Variants in PARP10 observed in about 807,000 individuals in gnomAD.
PARP10 encodes poly(ADP-ribose) polymerase family member 10, also known as protein mono-ADP-ribosyltransferase PARP10.
PARP10 carries 56 observed loss-of-function variants against 82.4 expected under a neutral mutation model. The ratio of observed to expected loss-of-function variants is 0.68; its 90% CI spans 0.55 to 0.85. PARP10 has a LOEUF of 0.85. PARP10 is among the 40% of genes least tolerant of loss of function. The probability of loss-of-function intolerance (pLI) is 0.00; values close to 1 mark genes in which losing one functional copy is unlikely to be tolerated. For synonymous variants in PARP10, 576 were observed against 601.1 expected (o/e 0.96, Z 0.61); for missense variants, 1,227 against 1,379.4 (o/e 0.89, Z 1.75).
chr8:144,009,487 A>C (rs1834257936), intron 1 of PARP10, among the ~76,000 whole-genome samples: 1 of 152,086 alleles, frequency 6.6e-6, no homozygotes. Flanking sequence ...CAGTGGGCTG[A>C]AGGCTTATTC....
At chr8:143,987,619 G>A (rs782157937), upstream of PARP10, among the ~76,000 whole-genome samples, 1 of 152,224 alleles carries the variant, frequency 6.6e-6, no homozygotes, top group African/African-American at 2.4e-5. Context: ...GGGGCCGGGC[G>A]CAGTGGCTCA....
chr8:143,991,588 G>T (rs1246770082), upstream of PARP10: 2 of 1,603,868 alleles, frequency 1.2e-6, no homozygotes, highest in Non-Finnish European at 1.7e-6. Context: ...GTCTTCCCAG[G>T]ACAAGACCCT....
At chr8:143,987,925 C>A (rs1372996150), upstream of PARP10, among the ~76,000 whole-genome samples, 2 of 151,438 alleles carry the variant, frequency 1.3e-5, no homozygotes, top group Admixed American at 1.3e-4. Context: ...CTTTTGAGGA[C>A]CTGCCCCCTG....
chr8:143,987,701 G>A (rs1323405748), upstream of PARP10, among the ~76,000 whole-genome samples: 1 of 152,152 alleles, frequency 6.6e-6, no homozygotes, highest in Non-Finnish European at 1.5e-5. Context: ...GATCAGCCTG[G>A]CCAACATGGT....
chr8:143,982,134 C>T (rs1554747908), intron 9 of PARP10, among the ~76,000 whole-genome samples: 1 of 152,076 alleles, frequency 6.6e-6, no homozygotes. Context: ...GAGGGTGATG[C>T]TGCTGGCCCC....
At chr8:143,988,470 T>C (rs1178036893), upstream of PARP10, among the ~76,000 whole-genome samples, 6 of 145,386 alleles carry the variant, frequency 4.1e-5, no homozygotes, top group African/African-American at 1.5e-4. Context: ...TATTTACTTA[T>C]TTATTTATTT....
At chr8:143,982,066 G>C (rs1455094119) in intron 9 of PARP10, among the ~76,000 whole-genome samples, 2 of 141,548 alleles carry the variant, frequency 1.4e-5, no homozygotes, top group Non-Finnish European at 3.1e-5. Context: ...GGTGATGATG[G>C]TGGTGAGGTC....
intron 1 of PARP10, among the ~76,000 whole-genome samples, chr8:144,001,055 A>C (rs1362667085): frequency 2.6e-5 from 4 of 151,654 alleles, no homozygotes; most frequent in African/African-American, 9.7e-5. Flanking sequence ...CTGGGACTAC[A>C]GGCGCCTGCC....
chr8:143,983,531 G>T lies in PARP10; in HGVS notation c.2058C>A (p.Ser686=). The T allele has an allele frequency of 6.2e-7, 1 of 1,606,226 alleles. No individual in the cohort carries two copies. The change falls in exon 8 of 11, where the codon TCC becomes TCA. Residue 686 remains serine (S), a synonymous_variant. Coordinates refer to ENST00000313028, the MANE Select transcript of PARP10 (RefSeq NM_032789.5). ...CCTCCAACGGGGGCTGCTCCAGCAG[G>T]GAGAGGGTTAGGGCTTGCCGCAGGG... ...AAALRQALTL[S]LLEQPPLEAE... is the part of the protein sequence containing the mutation.
chr8:144,006,400 C>A (rs931477422), intron 1 of PARP10, among the ~76,000 whole-genome samples: 1 of 152,230 alleles, frequency 6.6e-6, no homozygotes, highest in Non-Finnish European at 1.5e-5. Flanking sequence ...CTGCCCCAGG[C>A]CCATAGCGAG....
At chr8:143,982,408 A>G (rs1395667154) in intron 9 of PARP10, among the ~76,000 whole-genome samples, 2 of 152,022 alleles carry the variant, frequency 1.3e-5, no homozygotes, top group South Asian at 4.1e-4. Flanking sequence ...CGGGAGGCGG[A>G]GCTTGCCGTG....
At chr8:143,984,177 A>C in intron 6 of PARP10, 33 bp downstream of exon 6, 3 of 1,596,642 alleles carry the variant, frequency 1.9e-6, no homozygotes, top group Non-Finnish European at 2.6e-6. Context: ...AGGCGTGAGA[A>C]AGGGGAGGGC....
At position 144,012,329 on chromosome 8, in the gene PARP10, G is replaced by A. The variant is rs1186686589; in HGVS notation, c.-80+201C>T. On this transcript the variant is annotated intron_variant, in intron 1 of 3. Transcript: ENST00000530478. ...GTGTACAGGCCTGGTGGCATGGAGA[G>A]CTGAGGGTGTTAGAGCAGAGAGGGC... The A allele has an allele frequency of 5.0e-6, 3 of 605,092 alleles. No individual in the cohort carries two copies. The African/African-American group carries it at 5.6e-5, about 11-fold the overall frequency. The allele number at this position is 605,092 out of a possible 1,614,324, so 37.5% of individuals were successfully genotyped here.
At chr8:143,989,967 G>A (rs990565399), upstream of PARP10, 8 of 152,074 alleles carry the variant, frequency 5.3e-5, no homozygotes, top group Non-Finnish European at 8.8e-5. This position sits in a 1 kb window ranked among gnomAD's most constrained non-coding sequence, Gnocchi z 4.3. Flanking sequence ...CACGCAAGGC[G>A]GCGCAGCGGG....
upstream of PARP10, chr8:143,986,719 C>T (rs1833998455): frequency 4.7e-6 from 2 of 425,692 alleles, no homozygotes; most frequent in South Asian, 3.0e-5. Flanking sequence ...CCTCCATGGC[C>T]TGAAAATGGC....
At chr8:143,991,750 C>T (rs1554750544), upstream of PARP10, 1 of 1,613,946 alleles carries the variant, frequency 6.2e-7, no homozygotes, top group Non-Finnish European at 8.5e-7. Context: ...ACAACCAGGA[C>T]TTCCCTGCCA....
chr8:143,983,296 G>T lies in PARP10; in HGVS notation c.2293C>A (p.Arg765Ser), dbSNP rs529405414. The change falls in exon 8 of 11, where the codon CGT becomes AGT. Residue 765 changes from arginine to serine, a missense_variant. By Grantham distance (110) the Arg-to-Ser change is moderately radical. Coordinates refer to ENST00000313028, the MANE Select transcript of PARP10 (RefSeq NM_032789.5). ...CCACGGAGGATGGTGCAGTCACCAC[G>T]CAGGGCAACACTCACACCATGGCAC... ...ERCHGVSVAL[R>S]GDCTILRGFG... The T allele has an allele frequency of 6.2e-7, 1 of 1,612,562 alleles. No individual in the cohort carries two copies. The highest frequency in any genetic ancestry group is 1.3e-5 in the African/African-American group (1 of 74,930).
At position 143,978,087 on chromosome 8, in the gene PARP10, G is replaced by A. The variant is rs1027658365; in HGVS notation, c.2557-6C>T. The A allele has an allele frequency of 2.0e-6, 3 of 1,502,676 alleles. No individual in the cohort carries two copies. Among genetic ancestry groups the A allele is most frequent in the Admixed American group, 2.0e-5 (1 of 49,656 alleles). 93.1% of individuals were successfully genotyped at this position (1,502,676 alleles called of 1,614,324 possible). ...GGGTGCGACACGCGCTCCACCTGCG[G>A]GGAAGGCCCGGGCCAGGATTAAACA... On this transcript the variant is annotated splice_region_variant and splice_polypyrimidine_tract_variant and intron_variant, in intron 9 of 10. Transcript: ENST00000313028.
In PARP10 at chr8:143,986,163, C is replaced by T. The variant is rs200859185; in HGVS notation, c.73G>A (p.Glu25Lys). ...VRGLPPAVPD[E>K]LLTLYFENRR... ...TTTTCAAAGTAGAGAGTGAGCAGCT[C>T]GTCGGGCACGGCAGGGGGCAGTCCA... Residue 25 changes from glutamate (E) to lysine (K), a missense_variant, in exon 2 of 11, where the codon GAG becomes AAG. Coordinates refer to ENST00000313028, the MANE Select transcript of PARP10 (RefSeq NM_032789.5). 1.3e-4 allele frequency: 216 copies of T among 1,613,852 alleles called. No individual in the cohort carries two copies. The highest frequency in any genetic ancestry group is 1.8e-4 in the Non-Finnish European group (208 of 1,179,948).
Sources: allele counts gnomAD v4.1 joint callset (sites outside exome capture counted in the v4.1 genomes callset), GRCh38; gene constraint gnomAD v4.1.1; non-coding constraint Gnocchi (gnomAD v3.1); transcripts MANE v1.5; gene names NCBI Gene and HGNC (gene_info 2026-07-23, HGNC 2026-07-21).